The following SLC8A1 variants were observed in gnomAD, a reference collection of about 807,000 sequenced individuals.
The protein encoded by SLC8A1 is sodium/calcium exchanger 1.
SLC8A1 carries 18 observed loss-of-function variants against 68.3 expected under a neutral mutation model. The ratio of observed to expected loss-of-function variants is 0.26; its 90% CI spans 0.18 to 0.39. The LOEUF (loss-of-function observed/expected upper bound fraction) is 0.39. Among genes scored for constraint, SLC8A1 ranks in the 10% least tolerant of loss-of-function variants. The pLI is 1.00. For missense variants in SLC8A1, 985 were observed against 1,156.7 expected (o/e 0.85, Z 2.15); for synonymous variants, 475 against 415.5 (o/e 1.14, Z -1.74).
At chr2:40,392,377 T>C (rs935519797) in intron 2 of SLC8A1, among the ~76,000 whole-genome samples, 1 of 152,036 alleles carries the variant, frequency 6.6e-6, no homozygotes, top group African/African-American at 2.4e-5. Context: ...AGAGAACCAA[T>C]AGCTAGGAAC....
intron 3 of SLC8A1, among the ~76,000 whole-genome samples, chr2:40,175,538 TTATA>T (rs1169162699): frequency 6.6e-6 from 1 of 152,008 alleles, no homozygotes; most frequent in Non-Finnish European, 1.5e-5. Context: ...GTATTTCACC[TTATA>T]TATAATTTCT....
intron 2 of SLC8A1, among the ~76,000 whole-genome samples, chr2:40,297,627 T>C (rs1473255837): frequency 6.6e-6 from 1 of 152,226 alleles, no homozygotes. Flanking sequence ...TAACCTTCTT[T>C]ATACCAATCA....
At chr2:40,211,431 G>A (rs2056568966) in intron 2 of SLC8A1, among the ~76,000 whole-genome samples, 1 of 152,158 alleles carries the variant, frequency 6.6e-6, no homozygotes, top group Non-Finnish European at 1.5e-5. Context: ...AGAGCTAAAG[G>A]TATAGATGGG....
At chr2:40,176,401 A>G (rs2048474097) in intron 3 of SLC8A1, among the ~76,000 whole-genome samples, 1 of 152,216 alleles carries the variant, frequency 6.6e-6, no homozygotes, top group African/African-American at 2.4e-5. Context: ...TTGGAGGAAT[A>G]CATTGAGAAG....
chr2:40,200,894 GGTGA>G (rs2054241816), intron 2 of SLC8A1, among the ~76,000 whole-genome samples: 1 of 151,582 alleles, frequency 6.6e-6, no homozygotes, highest in Non-Finnish European at 1.5e-5. Flanking sequence ...TGATAAAACT[GGTGA>G]GTATGAGTGA....
chr2:40,151,033 C>A (rs1471786190), intron 6 of SLC8A1, among the ~76,000 whole-genome samples: 1 of 152,120 alleles, frequency 6.6e-6, no homozygotes, highest in Non-Finnish European at 1.5e-5. Context: ...TCCGCTTTTC[C>A]TCTTAGGATC....
At chr2:40,101,109 T>C (rs1336200986) in exon 8 of SLC8A1, 1 of 152,094 alleles carries the variant, frequency 6.6e-6, no homozygotes, top group African/African-American at 2.4e-5. Flanking sequence ...TTAAGTTCCT[T>C]TTCCTAAGCC....
At chr2:40,287,374 G>T (rs1452393872) in intron 2 of SLC8A1, among the ~76,000 whole-genome samples, 1 of 152,072 alleles carries the variant, frequency 6.6e-6, no homozygotes, top group Non-Finnish European at 1.5e-5. Context: ...GTCTATACGT[G>T]TTCTCAGTGA....
chr2:40,391,698 C>T (rs1221576979), intron 2 of SLC8A1, among the ~76,000 whole-genome samples: 2 of 151,944 alleles, frequency 1.3e-5, no homozygotes, highest in Non-Finnish European at 1.5e-5. Flanking sequence ...ACTCTTAGTC[C>T]CAGACCCTCA....
At chr2:40,188,018 T>G (rs1248088047) in intron 2 of SLC8A1, among the ~76,000 whole-genome samples, 1 of 152,218 alleles carries the variant, frequency 6.6e-6, no homozygotes, top group Non-Finnish European at 1.5e-5. Flanking sequence ...ACATGCCTGC[T>G]GAGACCATTT....
chr2:40,110,492 T>C (rs1370737071), exon 8 of SLC8A1: 1 of 152,178 alleles, frequency 6.6e-6, no homozygotes, highest in Admixed American at 6.5e-5. Context: ...TTTTCTGAAA[T>C]AGGATTCTGT....
chr2:40,482,326 G>A (rs1184079143), intron 1 of SLC8A1, among the ~76,000 whole-genome samples: 1 of 152,142 alleles, frequency 6.6e-6, no homozygotes, highest in East Asian at 1.9e-4. Flanking sequence ...ACTGCCAGGG[G>A]AGGCTTTGGG....
At chr2:40,135,949 A>AG (rs1331932582) in intron 7 of SLC8A1, among the ~76,000 whole-genome samples, 1 of 152,214 alleles carries the variant, frequency 6.6e-6, no homozygotes, top group Non-Finnish European at 1.5e-5. Context: ...GCATCAATAT[A>AG]GGGAAGACAG....
At chr2:40,183,954 T>C (rs760969282) in intron 2 of SLC8A1, among the ~76,000 whole-genome samples, 32 of 152,120 alleles carry the variant, frequency 2.1e-4, no homozygotes, top group East Asian at 9.7e-4. Flanking sequence ...CCAGGAGTTT[T>C]AGAGCAGCCT....
chr2:40,393,061 T>C (rs1685828922), intron 2 of SLC8A1, among the ~76,000 whole-genome samples: 1 of 152,070 alleles, frequency 6.6e-6, no homozygotes, highest in Non-Finnish European at 1.5e-5. Context: ...GTTTCATCTT[T>C]AGCTGAACTA....
At chr2:40,300,746 A>C (rs956628955) in intron 2 of SLC8A1, among the ~76,000 whole-genome samples, 1 of 152,184 alleles carries the variant, frequency 6.6e-6, no homozygotes, top group Non-Finnish European at 1.5e-5. Flanking sequence ...GAAAAGGCTG[A>C]AGACACCAGC....
chr2:40,135,389 GA>G (rs1443169369), intron 7 of SLC8A1, among the ~76,000 whole-genome samples: 1 of 152,046 alleles, frequency 6.6e-6, no homozygotes, highest in African/African-American at 2.4e-5. Flanking sequence ...GAGATAGCTA[GA>G]TGGGCTCAAA....
chr2:40,232,583 C>T (rs899700682), intron 2 of SLC8A1, among the ~76,000 whole-genome samples: 61 of 147,476 alleles, frequency 4.1e-4, no homozygotes, highest in Admixed American at 4.0e-3. Flanking sequence ...CCATTACTGT[C>T]CAACTTTGTA....
intron 2 of SLC8A1, among the ~76,000 whole-genome samples, chr2:40,399,122 G>A (rs1042048012): frequency 1.3e-5 from 2 of 152,116 alleles, no homozygotes; most frequent in Non-Finnish European, 2.9e-5. Flanking sequence ...GGAAAGAACA[G>A]GTAAAACAGC....
Sources: allele counts gnomAD v4.1 joint callset (sites outside exome capture counted in the v4.1 genomes callset), GRCh38; gene constraint gnomAD v4.1.1; transcripts MANE v1.5; gene names NCBI Gene and HGNC (gene_info 2026-07-23, HGNC 2026-07-21).